Variants in PDE2A observed in about 807,000 individuals in gnomAD.
The protein encoded by PDE2A is phosphodiesterase 2A.
Under a neutral mutation model 133.6 loss-of-function variants are expected in PDE2A, and 53 were observed. The ratio of observed to expected loss-of-function variants is 0.40; its 90% CI spans 0.32 to 0.50. The LOEUF is 0.50. Among genes scored for constraint, PDE2A ranks in the 20% least tolerant of loss-of-function variants. The probability of loss-of-function intolerance (pLI) is 0.73; values close to 1 mark genes in which losing one functional copy is unlikely to be tolerated. For missense variants in PDE2A, 796 were observed against 1,232.4 expected (o/e 0.65, Z 5.30); for synonymous variants, 491 against 490.2 (o/e 1.00, Z -0.02).
In PDE2A at chr11:72,665,315, T is replaced by C. The variant is rs1373838070; in HGVS notation, c.71+8822A>G. Among the ~76,000 whole-genome samples the C allele has an allele frequency of 2.6e-5, 4 of 152,074 alleles. No individual in the cohort carries two copies. In the South Asian group the frequency reaches 8.3e-4, roughly 32 times the overall value. ...CATGATTCAGGATATGCCTCCCTGC[T>C]CCTTCCTGCGGGTGCTGAACAGCAG... On this transcript the variant is annotated intron_variant, in intron 1 of 30. Coordinates refer to ENST00000334456, the MANE Select transcript of PDE2A (RefSeq NM_002599.5).
At chr11:72,631,339 C>G (rs1858371892) in intron 2 of PDE2A, among the ~76,000 whole-genome samples, 1 of 152,184 alleles carries the variant, frequency 6.6e-6, no homozygotes, top group Non-Finnish European at 1.5e-5. Context: ...GCCATATTCT[C>G]TGTTCCTTGA....
Position 72,584,554 on chromosome 11 carries a change from G to C in PDE2A, c.1534C>G (p.Gln512Glu). 6.2e-7 allele frequency: 1 copy of C among 1,608,616 alleles called. No homozygotes were observed. Among genetic ancestry groups the C allele is most frequent in the Non-Finnish European group, 8.5e-7 (1 of 1,178,406 alleles). ...ILCFPIKNEN[Q>E]EVIGVAELVN... ...CCGCCCGGGCCGCCACGCGCACCCT[G>C]GTTCTCGTTCTTGATGGGGAAGCAG... The change falls in exon 18 of 31, where the codon CAG becomes GAG. Residue 512 changes from glutamine to glutamate, a missense_variant. By Grantham distance (29) the Gln-to-Glu change is conservative. Coordinates refer to ENST00000334456, the MANE Select transcript of PDE2A (RefSeq NM_002599.5).
At chr11:72,610,418 C>T (rs1337482880) in intron 2 of PDE2A, among the ~76,000 whole-genome samples, 4 of 152,168 alleles carry the variant, frequency 2.6e-5, no homozygotes, top group African/African-American at 9.7e-5. Flanking sequence ...AAGTTCCACG[C>T]TGGGCTCTCA....
chr11:72,669,582 G>A lies in PDE2A; in HGVS notation c.71+4555C>T, dbSNP rs60541936. ...ACAGGGAGCCCACGGCCACCACCCT[G>A]GAGGCCACAATCCTGTGTCTCAGAA... On this transcript the variant is annotated intron_variant, in intron 1 of 30. Coordinates refer to ENST00000334456, the MANE Select transcript of PDE2A (RefSeq NM_002599.5). Among the ~76,000 whole-genome samples the A allele has an allele frequency of 8.8e-3, 1,344 of 152,278 alleles. 25 individuals are homozygous for A. Among genetic ancestry groups the A allele is most frequent in the African/African-American group, 0.031 (1,294 of 41,530 alleles).
intron 6 of PDE2A, among the ~76,000 whole-genome samples, chr11:72,593,233 C>T (rs1174528974): frequency 6.6e-6 from 1 of 152,058 alleles, no homozygotes; most frequent in East Asian, 1.9e-4. Context: ...CATCCACACA[C>T]CCACCCTTAC....
At position 72,577,493 on chromosome 11, in the gene PDE2A, C is replaced by T; in HGVS notation, c.2717G>A (p.Gly906Asp). 6.2e-7 allele frequency: 1 copy of T among 1,613,724 alleles called. No homozygotes were observed. Among genetic ancestry groups the T allele is most frequent in the Non-Finnish European group, 8.5e-7 (1 of 1,179,996 alleles). The change falls in exon 31 of 31, where the codon GGC (glycine) becomes GAC (aspartate). Residue 906 changes from glycine (G) to aspartate (D), a missense_variant. Coordinates refer to ENST00000334456, the MANE Select transcript of PDE2A (RefSeq NM_002599.5). The part of the protein sequence containing the change: ...TKVSHKFTIR[G>D]LPSNNSLDFL... ...GTCCAGCGAGTTGTTACTTGGGAGG[C>T]CGCGGATGGTGAACTTGTGGGACAC...
intron 1 of PDE2A, among the ~76,000 whole-genome samples, chr11:72,659,201 G>A (rs1050446865): frequency 6.6e-5 from 10 of 150,698 alleles, no homozygotes; most frequent in Admixed American, 2.7e-4. Context: ...TTGGTCTCCC[G>A]CTGGGTGAGG....
chr11:72,626,336 G>T (rs1302977872), intron 2 of PDE2A, among the ~76,000 whole-genome samples: 1 of 152,220 alleles, frequency 6.6e-6, no homozygotes, highest in Non-Finnish European at 1.5e-5. Flanking sequence ...CACGCCCCGG[G>T]CCTGTGCAGC....
At position 72,580,980 on chromosome 11, in the gene PDE2A, G is replaced by A. The variant is rs769110894; in HGVS notation, c.2046-7C>T. 1 of 1,600,738 alleles carries A rather than the reference G, an allele frequency of 6.2e-7. No individual in the cohort carries two copies. The highest frequency in any genetic ancestry group is 2.2e-5 in the East Asian group (1 of 44,812). On this transcript the variant is annotated splice_polypyrimidine_tract_variant and splice_region_variant and intron_variant, in intron 23 of 30. Coordinates refer to ENST00000334456, the MANE Select transcript of PDE2A (RefSeq NM_002599.5). ...GGCAAAGATCTCGATGTCCCTGGTTGAGAGGCAGAAAGGAGAAAAAAAAGA... is the reference window on the plus strand; with the variant it reads ...GGCAAAGATCTCGATGTCCCTGGTTAAGAGGCAGAAAGGAGAAAAAAAAGA...
At position 72,589,770 on chromosome 11, in the gene PDE2A, C is replaced by G; in HGVS notation, c.854G>C (p.Gly285Ala). Residue 285 changes from glycine to alanine, a missense_variant, in exon 11 of 31, where the codon GGG (glycine) becomes GCG (alanine). By Grantham distance (60) the Gly-to-Ala change is moderately conservative (BLOSUM62 0). Coordinates refer to ENST00000334456, the MANE Select transcript of PDE2A (RefSeq NM_002599.5). ...ACTCACGGGAAAGCTGACCTCTTCC[C>G]CGAGCACTTTGTCTCCGATGACCTG... ...SCKVIGDKVLGEEVSFPLTGC... is the reference protein window; with the variant it reads ...SCKVIGDKVLAEEVSFPLTGC... 2 of 1,613,902 alleles carry G rather than the reference C, an allele frequency of 1.2e-6. No homozygotes were observed. The highest frequency in any genetic ancestry group is 1.7e-6 in the Non-Finnish European group (2 of 1,179,962).
At chr11:72,594,734 CT>C (rs1196354877) in intron 6 of PDE2A, among the ~76,000 whole-genome samples, 1 of 152,146 alleles carries the variant, frequency 6.6e-6, no homozygotes, top group Non-Finnish European at 1.5e-5. Flanking sequence ...CATTCCTCCT[CT>C]GCCTAGAATC....
chr11:72,668,709 C>G (rs1855308019), intron 1 of PDE2A, among the ~76,000 whole-genome samples: 2 of 152,252 alleles, frequency 1.3e-5, no homozygotes, highest in Admixed American at 1.3e-4. Context: ...ATGGGTGTGG[C>G]CACAGACTTA....
intron 2 of PDE2A, chr11:72,636,036 A>G (rs571963402): frequency 4.2e-5 from 53 of 1,273,722 alleles, no homozygotes; most frequent in Non-Finnish European, 5.2e-5. Flanking sequence ...CCCCCAGTAG[A>G]GGCAACCGTG....
chr11:72,598,349 CA>C (rs1856581181), intron 4 of PDE2A, among the ~76,000 whole-genome samples: 1 of 152,070 alleles, frequency 6.6e-6, no homozygotes, highest in Admixed American at 6.5e-5. Context: ...GAGCTTTGAA[CA>C]GGGGGCAGGT....
At position 72,579,377 on chromosome 11, in the gene PDE2A, G is replaced by C; in HGVS notation, c.2263C>G (p.Gln755Glu). 1 of 1,613,418 alleles carries C rather than the reference G, an allele frequency of 6.2e-7. No homozygotes were observed. The highest frequency in any genetic ancestry group is 8.5e-7 in the Non-Finnish European group (1 of 1,179,616). Residue 755 changes from glutamine to glutamate, a missense_variant, in exon 27 of 31, where the codon CAG (glutamine) becomes GAG (glutamate). By Grantham distance (29) the Gln-to-Glu change is conservative (BLOSUM62 2). This residue lies in a region of PDE2A where 218 missense variants were observed against 465.9 expected (regional missense o/e 0.47). Transcript: ENST00000334456. ...IFDHFSRKDY[Q>E]RMLDLMRDII... ...TCCCGCATCAGATCCAGCATGCGCT[G>C]ATAGTCCTGAGGCGAGGGCAGGGGT...
rs1317609894 is a variant in PDE2A, at chr11:72,590,953, GTTCT to G, written c.549+340_549+343del. The G allele has an allele frequency of 8.6e-6, 3 of 347,892 alleles. No individual in the cohort carries two copies. The highest frequency in any genetic ancestry group is 2.1e-5 in the African/African-American group (1 of 47,372). The allele number at this position is 347,892 out of a possible 1,614,324, so 21.6% of individuals were successfully genotyped here. A position where few individuals can be genotyped will look rare whatever the true frequency, so the allele number is the denominator to read the frequency against. On this transcript the variant is annotated intron_variant, in intron 7 of 30. Coordinates refer to ENST00000334456, the MANE Select transcript of PDE2A (RefSeq NM_002599.5). The surrounding 1 kb of genome is among the most constrained non-coding windows in gnomAD (Gnocchi z 4.8). ...GAGCCTCAGTATCATTATGTGGAGGGTTCTTTCTAAGTACAGATGCTCCTGGACT... is the reference window on the plus strand; with the variant it reads ...GAGCCTCAGTATCATTATGTGGAGGGTTCTAAGTACAGATGCTCCTGGACT...
chr11:72,584,606 G>T lies in PDE2A; in HGVS notation c.1482C>A (p.Ser494Arg), dbSNP rs749629370. The change falls in exon 18 of 31, where the codon AGC becomes AGA. Residue 494 changes from serine (S) to arginine (R), a missense_variant. By Grantham distance (110) the Ser-to-Arg change is moderately radical (BLOSUM62 -1). This residue lies in a region of PDE2A where 218 missense variants were observed against 465.9 expected (regional missense o/e 0.47). Coordinates refer to ENST00000334456, the MANE Select transcript of PDE2A (RefSeq NM_002599.5). ...HPLFYRGVDDSTGFRTRNILC... is the reference protein window; with the variant it reads ...HPLFYRGVDDRTGFRTRNILC... ...GGATGTTGCGCGTGCGGAAGCCGGT[G>T]CTGTCGTCCACGCCGCGGTAGAAAA... The T allele has an allele frequency of 6.2e-7, 1 of 1,612,740 alleles. No individual in the cohort carries two copies. The highest frequency in any genetic ancestry group is 1.1e-5 in the South Asian group (1 of 91,088).
In PDE2A at chr11:72,581,438, T is replaced by C. The variant is rs1437039258; in HGVS notation, c.1964A>G (p.Tyr655Cys). 1 of 1,608,758 alleles carries C rather than the reference T, an allele frequency of 6.2e-7. No homozygotes were observed. The highest frequency in any genetic ancestry group is 8.5e-7 in the Non-Finnish European group (1 of 1,178,162). Residue 655 changes from tyrosine (Y) to cysteine (C), a missense_variant, in exon 23 of 31, where the codon TAC (tyrosine) becomes TGC (cysteine). Tyr to Cys is a radical substitution (Grantham distance 194). Coordinates refer to ENST00000334456, the MANE Select transcript of PDE2A (RefSeq NM_002599.5). The part of the protein sequence containing the change: ...MVKKGYRDPP[Y>C]HNWMHAFSVS... ...AGAAAAGGCGTGCATCCAGTTGTGG[T>C]AGGGGGGATCCCGGTAGCCCTTCTT...
chr11:72,596,706 G>A (rs571277947), intron 5 of PDE2A, 58 bp from the exon 6 acceptor site: 13 of 1,159,108 alleles, frequency 1.1e-5, no homozygotes, highest in Middle Eastern at 2.1e-4. Context: ...CAGAGATACC[G>A]AGCCGGGACC....
Sources: allele counts gnomAD v4.1 joint callset (sites outside exome capture counted in the v4.1 genomes callset), GRCh38; gene constraint gnomAD v4.1.1; regional missense constraint gnomAD v4.1.1; non-coding constraint Gnocchi (gnomAD v3.1); transcripts MANE v1.5; gene names NCBI Gene and HGNC (gene_info 2026-07-23, HGNC 2026-07-21).